AKAP6: variants seen among roughly 807,000 people sequenced by gnomAD.
AKAP6 encodes A-kinase anchor protein 6.
AKAP6 carries 58 observed loss-of-function variants against 188.5 expected under a neutral mutation model. The observed-to-expected ratio is 0.31, with a 90% CI of 0.25 to 0.38. AKAP6 has a LOEUF of 0.38. Ranked by LOEUF, AKAP6 falls within the 10% of genes least tolerant of loss-of-function variation. The pLI is 1.00. For synonymous variants in AKAP6, 989 were observed against 998.6 expected, an observed-to-expected ratio of 0.99 and a Z score of 0.18; for missense variants, 2,710 against 2,740.0, an observed-to-expected ratio of 0.99 and a Z score of 0.24.
At chr14:32,762,358 AGT>A (rs1357494130) in intron 11 of AKAP6, among the ~76,000 whole-genome samples, 2 of 152,162 alleles carry the variant, frequency 1.3e-5, no homozygotes, top group Non-Finnish European at 2.9e-5. Flanking sequence ...GAATTTTAAT[AGT>A]GTTTTTAATT....
chr14:32,363,239 A>C (rs1434113702), intron 1 of AKAP6, among the ~76,000 whole-genome samples: 1 of 152,222 alleles, frequency 6.6e-6, no homozygotes, highest in African/African-American at 2.4e-5. Flanking sequence ...TGCTGTGGGA[A>C]CATGGGAAAA....
chr14:32,455,277 A>G (rs1375316115), intron 2 of AKAP6, among the ~76,000 whole-genome samples: 2 of 152,000 alleles, frequency 1.3e-5, no homozygotes, highest in Non-Finnish European at 2.9e-5. Flanking sequence ...CAAAAACTTG[A>G]TTTGTATGTG....
intron 5 of AKAP6, among the ~76,000 whole-genome samples, chr14:32,579,819 T>C (rs1884887861): frequency 6.6e-6 from 1 of 152,146 alleles, no homozygotes; most frequent in African/African-American, 2.4e-5. Context: ...AGCCTAGAGA[T>C]TTGTATTCTT....
At chr14:32,335,538 G>A (rs902763242) in intron 1 of AKAP6, among the ~76,000 whole-genome samples, 2 of 152,156 alleles carry the variant, frequency 1.3e-5, no homozygotes, top group African/African-American at 2.4e-5. Context: ...TGGTAATTCA[G>A]TGGCATGCAA....
chr14:32,695,890 A>C, intron 8 of AKAP6, 100 bp from the exon 9 acceptor site: 1 of 1,379,390 alleles, frequency 7.2e-7, no homozygotes. Context: ...TGTAGATAAC[A>C]CTAGAAACAT....
chr14:32,748,500 A>G (rs1425210679), intron 11 of AKAP6, among the ~76,000 whole-genome samples: 2 of 152,228 alleles, frequency 1.3e-5, no homozygotes, highest in Non-Finnish European at 2.9e-5. Flanking sequence ...GTACTTTCAA[A>G]AAAGCATTAA....
intron 2 of AKAP6, among the ~76,000 whole-genome samples, chr14:32,487,975 C>T (rs994567527): frequency 6.6e-6 from 1 of 152,200 alleles, no homozygotes. Context: ...AGGTGTCTCT[C>T]GACCCCTGCT....
Position 32,824,065 on chromosome 14 carries a change from T to C in AKAP6, c.6252T>C (p.Pro2084=), listed in dbSNP as rs1403563078. Residue 2084 remains proline (P), a synonymous_variant, in exon 13 of 14, where the codon CCT becomes CCC. Coordinates refer to ENST00000280979, the MANE Select transcript of AKAP6 (RefSeq NM_004274.5). ...KSQPENEVAA[P]TSLTQIKEKV... ...AACCTGAAAACGAGGTGGCTGCTCC[T>C]ACTTCATTAACTCAAATCAAGGAGA... The C allele has an allele frequency of 5.0e-6, 8 of 1,613,828 alleles. No homozygotes were observed. The highest frequency in any genetic ancestry group is 1.3e-5 in the African/African-American group (1 of 74,894).
chr14:32,654,032 C>A (rs1313441853), intron 7 of AKAP6, among the ~76,000 whole-genome samples: 2 of 152,160 alleles, frequency 1.3e-5, no homozygotes, highest in East Asian at 3.9e-4. Flanking sequence ...AATTTGAAAT[C>A]ATTGTACCTT....
At chr14:32,349,264 G>T (rs182717842) in intron 1 of AKAP6, among the ~76,000 whole-genome samples, 3 of 139,828 alleles carry the variant, frequency 2.1e-5, no homozygotes, top group African/African-American at 8.1e-5. Flanking sequence ...CTTGTGTATA[G>T]GAGTTTTTTT....
intron 7 of AKAP6, among the ~76,000 whole-genome samples, chr14:32,609,328 T>C (rs907709654): frequency 1.3e-5 from 2 of 152,212 alleles, no homozygotes; most frequent in East Asian, 3.8e-4. Context: ...GTGGTTGTGA[T>C]GCTGCCAGAG....
intron 2 of AKAP6, among the ~76,000 whole-genome samples, chr14:32,531,112 G>A (rs1348891243): frequency 1.3e-5 from 2 of 152,148 alleles, no homozygotes; most frequent in African/African-American, 2.4e-5. Context: ...ATACATTTTG[G>A]TCTGTGAGTA....
intron 2 of AKAP6, among the ~76,000 whole-genome samples, chr14:32,449,602 G>T (rs1890871675): frequency 6.6e-6 from 1 of 151,846 alleles, no homozygotes; most frequent in African/African-American, 2.4e-5. Context: ...AGACAGCTCT[G>T]GTCCCATAAA....
intron 2 of AKAP6, among the ~76,000 whole-genome samples, chr14:32,532,640 G>A (rs1046935029): frequency 1.3e-5 from 2 of 152,154 alleles, no homozygotes; most frequent in Non-Finnish European, 2.9e-5. Context: ...GATGAGAAAT[G>A]TATATATGGC....
At chr14:32,786,400 C>T (rs1486657330) in intron 12 of AKAP6, among the ~76,000 whole-genome samples, 2 of 147,848 alleles carry the variant, frequency 1.4e-5, no homozygotes, top group East Asian at 4.0e-4. Context: ...CTCCACCTCC[C>T]AGGTGCATGC....
At chr14:32,596,514 TC>T (rs1460232902) in intron 5 of AKAP6, among the ~76,000 whole-genome samples, 1 of 152,206 alleles carries the variant, frequency 6.6e-6, no homozygotes, top group Non-Finnish European at 1.5e-5. Flanking sequence ...GTTATCCTTT[TC>T]TAGTCATTCA....
In AKAP6 at chr14:32,545,608, C is replaced by T. The variant is rs775516378; in HGVS notation, c.955C>T (p.Pro319Ser). The T allele has an allele frequency of 1.3e-5, 21 of 1,614,148 alleles. No individual in the cohort carries two copies. Among genetic ancestry groups the T allele is most frequent in the Non-Finnish European group, 1.7e-5 (20 of 1,180,014 alleles). Reference protein sequence around the residue: ...EDNASAVEEQPGLTLGVSSSS... With the variant: ...EDNASAVEEQSGLTLGVSSSS... ...CAATGCTTCTGCAGTCGAAGAGCAA[C>T]CAGGCTTAACACTGGGGGTGTCATC... Residue 319 changes from proline to serine, a missense_variant, in exon 4 of 14, where the codon CCA (proline) becomes TCA (serine). Pro to Ser is a moderately conservative substitution (Grantham distance 74). Transcript: ENST00000280979.
At chr14:32,524,838 A>G (rs896418080) in intron 2 of AKAP6, among the ~76,000 whole-genome samples, 14 of 152,146 alleles carry the variant, frequency 9.2e-5, no homozygotes, top group African/African-American at 3.1e-4. Flanking sequence ...GTGTTTTTCA[A>G]TGTGTGGTGC....
chr14:32,415,754 C>CT (rs1369388139), intron 1 of AKAP6, among the ~76,000 whole-genome samples: 1 of 152,132 alleles, frequency 6.6e-6, no homozygotes, highest in Non-Finnish European at 1.5e-5. Context: ...TTAGACTACT[C>CT]TAAGTACCTC....
Sources: allele counts gnomAD v4.1 joint callset (sites outside exome capture counted in the v4.1 genomes callset), GRCh38; gene constraint gnomAD v4.1.1; transcripts MANE v1.5; gene names NCBI Gene and HGNC (gene_info 2026-07-23, HGNC 2026-07-21).